Variants in EXTL3 observed in about 807,000 individuals in gnomAD.
EXTL3 encodes the protein exostosin-like 3.
Under a neutral mutation model 69.3 loss-of-function variants are expected in EXTL3, and 27 were observed. The observed-to-expected ratio is 0.39, with a 90% confidence interval of 0.29 to 0.54. The LOEUF (loss-of-function observed/expected upper bound fraction) is 0.54. Ranked by LOEUF, EXTL3 falls within the 20% of genes least tolerant of loss-of-function variation. The pLI, the probability that EXTL3 is intolerant of heterozygous loss-of-function variation, is 0.69. For missense variants in EXTL3, 1,003 were observed against 1,231.8 expected, an observed-to-expected ratio of 0.81 and a Z score of 2.78; for synonymous variants, 511 against 499.4, an observed-to-expected ratio of 1.02 and a Z score of -0.31.
Position 28,643,010 on chromosome 8 carries a change from G to A in EXTL3, c.-53+20200G>A, listed in dbSNP as rs1363794031. ...TGTAATCCCAGCACTTTGGGAGACCGAGGCAGATGGATCACCTGAGGGCAG... is the reference window on the plus strand; with the variant it reads ...TGTAATCCCAGCACTTTGGGAGACCAAGGCAGATGGATCACCTGAGGGCAG... On this transcript the variant is annotated intron_variant, in intron 1 of 6. Transcript: ENST00000523149. Among the ~76,000 whole-genome samples, 5 of 152,088 alleles carry A rather than the reference G, an allele frequency of 3.3e-5. No individual in the cohort carries two copies. The South Asian group carries it at 6.2e-4, about 19-fold the overall frequency.
chr8:28,610,050 A>G (rs1264757010), intron 2 of EXTL3, among the ~76,000 whole-genome samples: 1 of 152,052 alleles, frequency 6.6e-6, no homozygotes, highest in Non-Finnish European at 1.5e-5. Flanking sequence ...CTAAAAATAC[A>G]AAGATTAGCC....
intron 3 of EXTL3, among the ~76,000 whole-genome samples, chr8:28,726,429 G>A (rs1328218299): frequency 6.6e-6 from 1 of 152,192 alleles, no homozygotes; most frequent in African/African-American, 2.4e-5. Context: ...TGCAAAGTTT[G>A]TGAGGGCAGA....
chr8:28,714,451 T>C (rs1801098463), intron 2 of EXTL3, among the ~76,000 whole-genome samples: 1 of 152,194 alleles, frequency 6.6e-6, no homozygotes, highest in African/African-American at 2.4e-5. Context: ...TGTGCCTCTG[T>C]GAAGTCCTAC....
chr8:28,680,861 C>T (rs746915469), intron 1 of EXTL3, among the ~76,000 whole-genome samples: 2 of 152,070 alleles, frequency 1.3e-5, no homozygotes, highest in African/African-American at 2.4e-5. Context: ...TAGGTTCATC[C>T]TTGTTGTTAC....
rs149335819 is a variant in EXTL3, at chr8:28,717,315, A to G, written c.1256A>G (p.Glu419Gly). The G allele has an allele frequency of 1.2e-6, 2 of 1,614,216 alleles. No individual in the cohort carries two copies. The highest frequency in any genetic ancestry group is 1.7e-6 in the Non-Finnish European group (2 of 1,180,046). Residue 419 changes from glutamate to glycine, a missense_variant, in exon 3 of 7, where the codon GAG becomes GGG. Physicochemically the swap from Glu to Gly is moderately conservative, Grantham distance 98. This residue lies in a region of EXTL3 where 742 missense variants were observed against 815.4 expected (regional missense o/e 0.91). Transcript: ENST00000220562. This position sits in a 1 kb window ranked among gnomAD's most constrained non-coding sequence, Gnocchi z 8.3. ...GAGTGGGCACTGTGTGGAGAGCGGGAGGACCGCTTGGAATTGCTGAAGCTC... is the reference window on the plus strand; with the variant it reads ...GAGTGGGCACTGTGTGGAGAGCGGGGGGACCGCTTGGAATTGCTGAAGCTC... ...PTEWALCGEREDRLELLKLST... is the reference protein window; with the variant it reads ...PTEWALCGERGDRLELLKLST...
At chr8:28,631,325 G>A (rs1205207897) in intron 1 of EXTL3, 2 of 152,152 alleles carry the variant, frequency 1.3e-5, no homozygotes, top group Non-Finnish European at 2.9e-5. Context: ...GATGTGTAAA[G>A]TGGTTTACTG....
chr8:28,620,616 C>T (rs1225495908), upstream of EXTL3, among the ~76,000 whole-genome samples: 1 of 152,312 alleles, frequency 6.6e-6, no homozygotes, highest in African/African-American at 2.4e-5. Flanking sequence ...ATTAACATCT[C>T]GCAGTTAAAC....
At chr8:28,619,810 TCCGTATC>T (rs1364943855), upstream of EXTL3, among the ~76,000 whole-genome samples, 19 of 145,558 alleles carry the variant, frequency 1.3e-4, no homozygotes, top group East Asian at 4.1e-3. Flanking sequence ...CCAGCTGTCA[TCCGTATC>T]CGTACACCGC....
At chr8:28,645,847 G>T (rs369040898) in intron 1 of EXTL3, among the ~76,000 whole-genome samples, 1,924 of 143,650 alleles carry the variant, frequency 0.013, 43 homozygotes, top group African/African-American at 0.047. Flanking sequence ...TTTTTTTAAA[G>T]TTATTCTCTT....
At chr8:28,670,848 A>G (rs535036403) in intron 1 of EXTL3, among the ~76,000 whole-genome samples, 1 of 152,292 alleles carries the variant, frequency 6.6e-6, no homozygotes, top group South Asian at 2.1e-4. Flanking sequence ...AGCCATCACA[A>G]AGTGCCTCCT....
In EXTL3 at chr8:28,691,588, A is replaced by C. The variant is rs551872183; in HGVS notation, c.-52-21869A>C. Among the ~76,000 whole-genome samples the C allele has an allele frequency of 8.9e-5, 7 of 78,796 alleles. No homozygotes were observed. In the East Asian group the frequency reaches 2.4e-3, roughly 27 times the overall value. 51.7% of individuals were successfully genotyped at this position (78,796 alleles called of 152,430 possible). ...GTTTTTGTGATTTTTTTTTTTTGCT[A>C]TTGTGTTCCTACTAATATGTAGATG... On this transcript the variant is annotated intron_variant, in intron 1 of 6. Coordinates refer to the EXTL3 transcript ENST00000523149.
At chr8:28,661,383 T>G (rs1032178805) in intron 1 of EXTL3, among the ~76,000 whole-genome samples, 1 of 152,026 alleles carries the variant, frequency 6.6e-6, no homozygotes, top group African/African-American at 2.4e-5. Flanking sequence ...ACACAATATA[T>G]GTATTATATA....
intron 2 of EXTL3, among the ~76,000 whole-genome samples, chr8:28,609,661 G>A (rs1466867109): frequency 6.6e-6 from 1 of 151,850 alleles, no homozygotes; most frequent in Non-Finnish European, 1.5e-5. Context: ...CAAGGTGGGT[G>A]GATCTCTGGT....
chr8:28,742,074 A>G (rs534861598), intron 5 of EXTL3: 3 of 152,344 alleles, frequency 2.0e-5, no homozygotes, highest in South Asian at 4.1e-4. Context: ...AGTTATCAAC[A>G]TGAGTCACTG....
At chr8:28,643,445 C>T (rs1355045308) in intron 1 of EXTL3, among the ~76,000 whole-genome samples, 2 of 121,388 alleles carry the variant, frequency 1.6e-5, no homozygotes, top group Non-Finnish European at 3.4e-5. Flanking sequence ...GACAGAGTCT[C>T]GCTCTTTCGC....
intron 1 of EXTL3, among the ~76,000 whole-genome samples, chr8:28,658,506 A>G (rs1298470863): frequency 6.6e-6 from 1 of 152,020 alleles, no homozygotes; most frequent in Non-Finnish European, 1.5e-5. Context: ...TGTCTTATAC[A>G]CCTTTTCTGT....
chr8:28,616,764 G>C (rs1806337471), intron 2 of EXTL3, among the ~76,000 whole-genome samples: 1 of 152,206 alleles, frequency 6.6e-6, no homozygotes, highest in African/African-American at 2.4e-5. Flanking sequence ...GGTGTGGAGA[G>C]TGAACCAGGA....
At chr8:28,668,381 G>T (rs1396885051) in intron 1 of EXTL3, among the ~76,000 whole-genome samples, 2 of 139,108 alleles carry the variant, frequency 1.4e-5, no homozygotes, top group Non-Finnish European at 3.0e-5. Context: ...ACCCAGGCTG[G>T]AGTGCAGTGG....
intron 1 of EXTL3, among the ~76,000 whole-genome samples, chr8:28,710,938 A>G (rs1243030638): frequency 6.6e-6 from 1 of 152,212 alleles, no homozygotes. Context: ...TGGAAGAGAC[A>G]GTGTAGAGTA....
Sources: gnomAD v4.1 joint callset for allele counts (sites outside exome capture counted in the v4.1 genomes callset) on GRCh38, gnomAD v4.1.1 for gene constraint, gnomAD v4.1.1 regional missense constraint, Gnocchi (gnomAD v3.1) non-coding constraint, MANE v1.5 for transcripts, NCBI Gene and HGNC (gene_info 2026-07-23, HGNC 2026-07-21) for gene names.